GATD1: variants seen among roughly 807,000 people sequenced by gnomAD.
The protein encoded by GATD1 is glutamine amidotransferase-like class 1 domain-containing protein 1.
Under a neutral mutation model 25.9 loss-of-function variants are expected in GATD1, and 23 were observed. That is an observed-to-expected ratio of 0.89 (90% confidence interval 0.64 to 1.26). The LOEUF (loss-of-function observed/expected upper bound fraction) is 1.26, where lower values mean the gene tolerates loss of function less well. Among genes scored for constraint, GATD1 ranks in the 50% most tolerant of loss-of-function variants. GATD1 has a pLI of 0.00. For missense variants in GATD1, 347 were observed against 312.5 expected (o/e 1.11, Z -0.83); for synonymous variants, 177 against 134.6 (o/e 1.31, Z -2.18).
chr11:771,814 G>C (rs1029834765), intron 5 of GATD1, among the ~76,000 whole-genome samples: 6 of 152,136 alleles, frequency 3.9e-5, no homozygotes, highest in South Asian at 2.1e-4. Flanking sequence ...CTGAGACTGG[G>C]TTGGTGTCAC....
Position 767,523 on chromosome 11 carries a change from C to T in GATD1, c.*3374G>A. Reference sequence around the variant, plus strand: ...CAGAACCCACTTCACATCCCAAAGCCCCACCTGCTTTGATCTTCAATGCTG... The same window carrying T: ...CAGAACCCACTTCACATCCCAAAGCTCCACCTGCTTTGATCTTCAATGCTG... On this transcript the variant is annotated 3_prime_UTR_variant, in exon 8 of 8. Coordinates refer to ENST00000319863, the MANE Select transcript of GATD1 (RefSeq NM_182612.4). 7.0e-7 allele frequency: 1 copy of T among 1,426,958 alleles called. No homozygotes were observed. Among genetic ancestry groups the T allele is most frequent in the South Asian group, 1.5e-5 (1 of 65,956 alleles). The allele number at this position is 1,426,958 out of a possible 1,614,324, so 88.4% of individuals were successfully genotyped here.
Position 768,229 on chromosome 11 carries a change from G to C in GATD1, c.*2668C>G, listed in dbSNP as rs957094871. The C allele has an allele frequency of 1.6e-4, 25 of 152,326 alleles. No homozygotes were observed. Among genetic ancestry groups the C allele is most frequent in the Admixed American group, 1.4e-3 (21 of 15,280 alleles). 9.4% of individuals were successfully genotyped at this position (152,326 alleles called of 1,614,324 possible). On this transcript the variant is annotated 3_prime_UTR_variant, in exon 8 of 8. Coordinates refer to ENST00000319863, the MANE Select transcript of GATD1 (RefSeq NM_182612.4). ...AGCTTGCCTGTAGTCCCAGCACTTT[G>C]GGAAGCCGAGGCGGGCAGATCATGA...
chr11:773,207 C>CA, intron 4 of GATD1: 2 of 354,104 alleles, frequency 5.6e-6, no homozygotes, highest in Non-Finnish European at 1.0e-5. Context: ...CCTTGAGCCC[C>CA]AAGCCCAGCC....
At chr11:775,976 CTTTTTT>C (rs71022972) in intron 1 of GATD1, among the ~76,000 whole-genome samples, 23 of 72,286 alleles carry the variant, frequency 3.2e-4, no homozygotes, top group South Asian at 5.6e-4. Flanking sequence ...TATCTTCATT[CTTTTTT>C]TTTTTTTTTT....
chr11:773,876 AG>A (rs1467839676), intron 3 of GATD1, 131 bp downstream of exon 3: 1 of 783,602 alleles, frequency 1.3e-6, no homozygotes, highest in East Asian at 2.7e-5. Flanking sequence ...GTGGGGCTGG[AG>A]GCTGCCCCAA....
At chr11:776,506 C>T (rs758669774) in intron 1 of GATD1, among the ~76,000 whole-genome samples, 2 of 151,718 alleles carry the variant, frequency 1.3e-5, no homozygotes, top group African/African-American at 2.4e-5. Flanking sequence ...CCCACCCCCC[C>T]AGGACTGAAC....
chr11:773,908 G>T, intron 3 of GATD1, 100 bp downstream of exon 3: 2 of 1,036,846 alleles, frequency 1.9e-6, no homozygotes, highest in South Asian at 2.9e-5. Context: ...GGCTTCAGGG[G>T]CTGAGCTAGG....
chr11:769,294 C>G lies in GATD1; in HGVS notation c.*1603G>C, dbSNP rs1034042722. ...AGCGCTTCCTTCTTCCACTTTTTTC[C>G]AAATTCTCCTTATTGAACGGCTTTA... is the stretch of plus-strand genomic sequence containing the variant. On this transcript the variant is annotated 3_prime_UTR_variant, in exon 8 of 8. Coordinates refer to ENST00000319863, the MANE Select transcript of GATD1 (RefSeq NM_182612.4). 2.0e-5 allele frequency: 20 copies of G among 985,200 alleles called. No individual in the cohort carries two copies. The highest frequency in any genetic ancestry group is 2.3e-5 in the Non-Finnish European group (19 of 829,840). 61.0% of individuals were successfully genotyped at this position (985,200 alleles called of 1,614,324 possible). A position where few individuals can be genotyped will look rare whatever the true frequency, so the allele number is the denominator to read the frequency against.
chr11:773,879 C>T, intron 3 of GATD1, 129 bp downstream of exon 3: 1 of 808,894 alleles, frequency 1.2e-6, no homozygotes. Context: ...GGGCTGGAGG[C>T]TGCCCCAAAT....
chr11:774,036 G>A lies in GATD1; in HGVS notation c.219C>T (p.Ala73=). ...WVQDFRLKAY[A]SPAKLESIDG... is the part of the protein sequence containing the mutation. ...CGATGGACTCGAGCTTGGCGGGGCTGGCGTAAGCCTTGAGGCGGAAGTCTT... is the reference window on the plus strand; with the variant it reads ...CGATGGACTCGAGCTTGGCGGGGCTAGCGTAAGCCTTGAGGCGGAAGTCTT... Residue 73 remains alanine (A), a synonymous_variant, in exon 3 of 8, where the codon GCC becomes GCT. Transcript: ENST00000319863. 1 of 1,613,636 alleles carries A rather than the reference G, an allele frequency of 6.2e-7. No individual in the cohort carries two copies. The highest frequency in any genetic ancestry group is 8.5e-7 in the Non-Finnish European group (1 of 1,179,998).
rs1214161597 is a variant in GATD1 at position 768,291 on chromosome 11, A to C, written c.*2606T>G. On this transcript the variant is annotated 3_prime_UTR_variant, in exon 8 of 8. Coordinates refer to ENST00000319863, the MANE Select transcript of GATD1 (RefSeq NM_182612.4). ...CGAGACCATCCTGGCCAACATGGTG[A>C]AACCCCGTCTCTACTGAAAATACAA... is the stretch of plus-strand genomic sequence containing the variant. 1.3e-5 allele frequency: 2 copies of C among 150,584 alleles called. No homozygotes were observed. Among genetic ancestry groups the C allele is most frequent in the African/African-American group, 4.9e-5 (2 of 41,052 alleles). 9.3% of individuals were successfully genotyped at this position (150,584 alleles called of 1,614,324 possible). A position where few individuals can be genotyped will look rare whatever the true frequency, so the allele number is the denominator to read the frequency against.
At chr11:771,830 G>A (rs562277422) in intron 5 of GATD1, among the ~76,000 whole-genome samples, 10 of 152,198 alleles carry the variant, frequency 6.6e-5, no homozygotes, top group African/African-American at 1.7e-4. Context: ...GTCACCCCTC[G>A]GAGGGCACCA....
At position 767,844 on chromosome 11, in the gene GATD1, C is replaced by A. The variant is rs1863141719; in HGVS notation, c.*3053G>T. On this transcript the variant is annotated 3_prime_UTR_variant, in exon 8 of 8. Coordinates refer to ENST00000319863, the MANE Select transcript of GATD1 (RefSeq NM_182612.4). ...TGTTGTTTATAAGCCACTAGGTTTA[C>A]AATATTTTCTTTTTTTTTTTTTTTG... 1.9e-5 allele frequency: 3 copies of A among 156,692 alleles called. No individual in the cohort carries two copies. Among genetic ancestry groups the A allele is most frequent in the Non-Finnish European group, 4.2e-5 (3 of 71,608 alleles). The allele number at this position is 156,692 out of a possible 1,614,324, so 9.7% of individuals were successfully genotyped here.
At chr11:771,510 G>A (rs773863471) in intron 5 of GATD1, 84 bp from the exon 6 acceptor site, 4 of 1,448,628 alleles carry the variant, frequency 2.8e-6, no homozygotes, top group South Asian at 2.9e-5. Context: ...GTCAGGGCAG[G>A]GAGCCTCACC....
chr11:777,259 C>T (rs1864093031), intron 1 of GATD1, 140 bp downstream of exon 1: 1 of 470,144 alleles, frequency 2.1e-6, no homozygotes, highest in Non-Finnish European at 3.1e-6. Flanking sequence ...CTCCGCCCTC[C>T]CCCGGCCCCT....
At position 770,587 on chromosome 11, in the gene GATD1, C is replaced by T; in HGVS notation, c.*310G>A. ...ACAGTGACCACACGTGACAACCAGT[C>T]CTCCCTAGAAAACCCAGCCTGGAAT... On this transcript the variant is annotated 3_prime_UTR_variant, in exon 8 of 8. Coordinates refer to ENST00000319863, the MANE Select transcript of GATD1 (RefSeq NM_182612.4). The T allele has an allele frequency of 7.1e-7, 1 of 1,412,170 alleles. No individual in the cohort carries two copies. The highest frequency in any genetic ancestry group is 9.2e-7 in the Non-Finnish European group (1 of 1,086,266). The allele number at this position is 1,412,170 out of a possible 1,614,324, so 87.5% of individuals were successfully genotyped here.
chr11:767,320 C>T lies in GATD1; in HGVS notation c.*3577G>A. On this transcript the variant is annotated 3_prime_UTR_variant, in exon 8 of 8. Coordinates refer to ENST00000319863, the MANE Select transcript of GATD1 (RefSeq NM_182612.4). ...CGCCCTCCGCTGCTCTTCTGGAGGT[C>T]TGTCCTCTTGCTTTCCTCCTCTGCC... 6.5e-7 allele frequency: 1 copy of T among 1,536,244 alleles called. No individual in the cohort carries two copies. The highest frequency in any genetic ancestry group is 8.7e-7 in the Non-Finnish European group (1 of 1,146,930).
chr11:772,540 G>A lies in GATD1; in HGVS notation c.356-19C>T, dbSNP rs762343447. 12 of 1,605,160 alleles carry A rather than the reference G, an allele frequency of 7.5e-6. No homozygotes were observed. The highest frequency in any genetic ancestry group is 2.2e-5 in the East Asian group (1 of 44,854). ...ATGGGTTCTGAAAGCCGTACATGGCGTTGAGGCCCTGGACCCCGCCACCCG... is the reference window on the plus strand; with the variant it reads ...ATGGGTTCTGAAAGCCGTACATGGCATTGAGGCCCTGGACCCCGCCACCCG... On this transcript the variant is annotated intron_variant, in intron 4 of 7. Transcript: ENST00000319863.
Position 775,123 on chromosome 11 carries a change from G to A in GATD1, c.84C>T (p.Phe28=), listed in dbSNP as rs752812112. 25 of 1,604,614 alleles carry A rather than the reference G, an allele frequency of 1.6e-5. No homozygotes were observed. The Admixed American group carries it at 3.6e-4, about 23-fold the overall frequency. Residue 28 remains phenylalanine (F), a synonymous_variant, in exon 2 of 8, where the codon TTC becomes TTT. Coordinates refer to ENST00000319863, the MANE Select transcript of GATD1 (RefSeq NM_182612.4). ...GAAEGVSAQS[F]LHCFTMASTA... ...TGCTGGCCATCGTGAAACAGTGGAG[G>A]AAGGACTGGGCCGACACACCTGCAG...
Sources: allele counts gnomAD v4.1 joint callset (sites outside exome capture counted in the v4.1 genomes callset), GRCh38; gene constraint gnomAD v4.1.1; transcripts MANE v1.5; gene names NCBI Gene and HGNC (gene_info 2026-07-23, HGNC 2026-07-21).